Variants in GLCE observed in about 807,000 individuals in gnomAD.
GLCE encodes the protein glucuronic acid epimerase, also known as D-glucuronyl C5-epimerase.
A neutral mutation model predicts 47.9 loss-of-function variants in GLCE; 19 were observed. The ratio of observed to expected loss-of-function variants is 0.40; its 90% CI spans 0.28 to 0.58. GLCE has a LOEUF of 0.58. Among genes scored for constraint, GLCE ranks in the 20% least tolerant of loss-of-function variants. GLCE has a pLI of 0.48. For missense variants in GLCE, 556 were observed against 743.3 expected, an observed-to-expected ratio of 0.75 and a Z score of 2.93; for synonymous variants, 245 against 263.4, an observed-to-expected ratio of 0.93 and a Z score of 0.68.
Position 69,223,913 on chromosome 15 carries a change from T to C in GLCE, c.-14+13507T>C, listed in dbSNP as rs531523240. Among the ~76,000 whole-genome samples, 28 of 152,328 alleles carry C rather than the reference T, an allele frequency of 1.8e-4. No individual in the cohort carries two copies. The South Asian group carries it at 5.8e-3, about 32-fold the overall frequency. On this transcript the variant is annotated intron_variant, in intron 2 of 4. Coordinates refer to ENST00000261858, the MANE Select transcript of GLCE (RefSeq NM_015554.3). ...AGCTCCAGAATTTCTCTTTGGTTCT[T>C]TTTTAGGTTCTGTAGCTCTACTGAT...
At chr15:69,229,938 G>A (rs988317820) in intron 2 of GLCE, among the ~76,000 whole-genome samples, 12 of 151,854 alleles carry the variant, frequency 7.9e-5, no homozygotes, top group African/African-American at 2.7e-4. Flanking sequence ...GGCTGGGTGC[G>A]GTGGCTCATG....
rs1566975378 is a variant in GLCE at position 69,269,033 on chromosome 15, T to C, written c.1643T>C (p.Met548Thr). Residue 548 changes from methionine (M) to threonine (T), a missense_variant, in exon 5 of 5, where the codon ATG (methionine) becomes ACG (threonine). Around this residue, in one of 3 missense-constraint regions of GLCE, gnomAD observed 245 missense variants for 368.1 expected, o/e 0.67. Coordinates refer to ENST00000261858, the MANE Select transcript of GLCE (RefSeq NM_015554.3). ...YERGMESLKAMLPLYDTGSGT... is the reference protein window; with the variant it reads ...YERGMESLKATLPLYDTGSGT... ...CGTGGCATGGAATCTCTTAAAGCCA[T>C]GCTGCCCTTGTATGACACTGGCTCA... 1.2e-6 allele frequency: 2 copies of C among 1,614,200 alleles called. No homozygotes were observed. The highest frequency in any genetic ancestry group is 4.5e-5 in the East Asian group (2 of 44,886).
chr15:69,186,688 G>A (rs1447001013), intron 1 of GLCE, among the ~76,000 whole-genome samples: 1 of 152,170 alleles, frequency 6.6e-6, no homozygotes, highest in East Asian at 1.9e-4. Context: ...CTACTAGTTA[G>A]TATATCCAAT....
intron 1 of GLCE, among the ~76,000 whole-genome samples, chr15:69,206,979 C>A (rs2052161380): frequency 6.6e-6 from 1 of 152,040 alleles, no homozygotes; most frequent in African/African-American, 2.4e-5. Flanking sequence ...TAAGTTCATA[C>A]TGATGTCTGT....
intron 4 of GLCE, among the ~76,000 whole-genome samples, chr15:69,264,674 T>G (rs2053061871): frequency 6.6e-6 from 1 of 152,204 alleles, no homozygotes; most frequent in Non-Finnish European, 1.5e-5. Flanking sequence ...AGGGTTTCCC[T>G]TTCTCCATAT....
At chr15:69,215,564 C>G (rs372992212) in intron 2 of GLCE, among the ~76,000 whole-genome samples, 58 of 104,704 alleles carry the variant, frequency 5.5e-4, no homozygotes, top group South Asian at 2.1e-3. Context: ...GTGTGTGTGT[C>G]TCTGTGTGTG....
chr15:69,261,277 G>A lies in GLCE; in HGVS notation c.777G>A (p.Ala259=), dbSNP rs377198684. 1.5e-5 allele frequency: 24 copies of A among 1,613,860 alleles called. No homozygotes were observed. Among genetic ancestry groups the A allele is most frequent in the African/African-American group, 4.0e-5 (3 of 74,876 alleles). Residue 259 remains alanine, a synonymous_variant, in exon 4 of 5, where the codon GCG becomes GCA. Transcript: ENST00000261858. ...DWTVPKGCFM[A]NVADKSRFTN... is the part of the protein sequence containing the mutation. ...CTGTGCCAAAGGGCTGCTTTATGGC[G>A]AATGTGGCTGATAAGTCTAGATTCA...
Position 69,187,861 on chromosome 15 carries a change from G to A in GLCE, c.-104-22455G>A, listed in dbSNP as rs148390979. Among the ~76,000 whole-genome samples, 56 of 152,052 alleles carry A rather than the reference G, an allele frequency of 3.7e-4. 1 individual carries two copies. In the East Asian group the frequency reaches 0.01, roughly 27 times the overall value. On this transcript the variant is annotated intron_variant, in intron 1 of 4. Coordinates refer to ENST00000261858, the MANE Select transcript of GLCE (RefSeq NM_015554.3). ...GTGGATTGCTTGAAGTCAGGAGTTCGAGACCAGCTTGGCCAACATGGTGAA... is the reference window on the plus strand; with the variant it reads ...GTGGATTGCTTGAAGTCAGGAGTTCAAGACCAGCTTGGCCAACATGGTGAA...
intron 2 of GLCE, among the ~76,000 whole-genome samples, chr15:69,244,599 C>T (rs1231922098): frequency 6.6e-6 from 1 of 152,140 alleles, no homozygotes; most frequent in African/African-American, 2.4e-5. Context: ...CATATCAGAG[C>T]ACAGCCTTTG....
intron 1 of GLCE, among the ~76,000 whole-genome samples, chr15:69,162,644 C>A (rs1352491275): frequency 6.6e-6 from 1 of 152,138 alleles, no homozygotes; most frequent in Non-Finnish European, 1.5e-5. Context: ...GCAGCCTCGA[C>A]CTCCAAAGCT....
chr15:69,256,975 G>A (rs1454633993), intron 3 of GLCE, among the ~76,000 whole-genome samples: 1 of 152,180 alleles, frequency 6.6e-6, no homozygotes, highest in Non-Finnish European at 1.5e-5. Flanking sequence ...AAGCCAAATT[G>A]AATTTGACTT....
At chr15:69,225,379 A>G (rs1435287023) in intron 2 of GLCE, among the ~76,000 whole-genome samples, 1 of 152,180 alleles carries the variant, frequency 6.6e-6, no homozygotes, top group Non-Finnish European at 1.5e-5. Flanking sequence ...TCTGTACCAC[A>G]GAGTTCAGCA....
At chr15:69,254,654 G>A (rs1321628252) in intron 2 of GLCE, among the ~76,000 whole-genome samples, 1 of 152,138 alleles carries the variant, frequency 6.6e-6, no homozygotes, top group Non-Finnish European at 1.5e-5. Context: ...GAATAAGAAA[G>A]GGTCAAGATT....
intron 1 of GLCE, among the ~76,000 whole-genome samples, chr15:69,175,941 C>G (rs1415118899): frequency 6.6e-6 from 1 of 152,100 alleles, no homozygotes; most frequent in East Asian, 1.9e-4. Context: ...AACCCTTGAG[C>G]AGGAAAACAT....
chr15:69,221,634 A>G (rs2052378278), intron 2 of GLCE, among the ~76,000 whole-genome samples: 1 of 151,926 alleles, frequency 6.6e-6, no homozygotes, highest in South Asian at 2.1e-4. Flanking sequence ...AGGCTGAGGT[A>G]GGTGGATCAC....
At chr15:69,196,240 G>A (rs1407922495) in intron 1 of GLCE, among the ~76,000 whole-genome samples, 1 of 152,092 alleles carries the variant, frequency 6.6e-6, no homozygotes, top group African/African-American at 2.4e-5. Flanking sequence ...GAGTGAGCAT[G>A]GAGTGTTAGG....
At chr15:69,229,896 T>C (rs2140402346) in intron 2 of GLCE, among the ~76,000 whole-genome samples, 1 of 152,210 alleles carries the variant, frequency 6.6e-6, no homozygotes, top group East Asian at 1.9e-4. Context: ...TCACATTGAA[T>C]ATAAAAACAC....
intron 1 of GLCE, among the ~76,000 whole-genome samples, chr15:69,189,208 A>G (rs1175167771): frequency 6.6e-6 from 1 of 152,096 alleles, no homozygotes; most frequent in Non-Finnish European, 1.5e-5. Flanking sequence ...CTCCCAGTTA[A>G]CCCCTGGCAA....
intron 2 of GLCE, among the ~76,000 whole-genome samples, chr15:69,251,123 C>T (rs919671388): frequency 1.3e-5 from 2 of 152,188 alleles, no homozygotes; most frequent in Non-Finnish European, 2.9e-5. Flanking sequence ...CAGGATGTCT[C>T]ACCTTCTAGA....
Sources: gnomAD v4.1 joint callset for allele counts (sites outside exome capture counted in the v4.1 genomes callset) on GRCh38, gnomAD v4.1.1 for gene constraint, gnomAD v4.1.1 regional missense constraint, MANE v1.5 for transcripts, NCBI Gene and HGNC (gene_info 2026-07-23, HGNC 2026-07-21) for gene names.